CACNA1E: variants seen among roughly 807,000 people sequenced by gnomAD.
The protein encoded by CACNA1E is voltage-dependent R-type calcium channel subunit alpha-1E.
In CACNA1E, 40 loss-of-function variants were observed where a neutral mutation model predicts 259.2. The observed-to-expected ratio is 0.15, with a 90% CI of 0.12 to 0.20. CACNA1E has a LOEUF of 0.20. Among genes scored for constraint, CACNA1E ranks in the 10% least tolerant of loss-of-function variants. The pLI, the probability that CACNA1E is intolerant of heterozygous loss-of-function variation, is 1.00. For synonymous variants in CACNA1E, 1,104 were observed against 1,138.5 expected, an observed-to-expected ratio of 0.97 and a Z score of 0.61; for missense variants, 1,874 against 3,040.1, an observed-to-expected ratio of 0.62 and a Z score of 9.02.
chr1:181,736,293 G>A lies in CACNA1E; in HGVS notation c.3281G>A (p.Gly1094Glu). Residue 1094 changes from glycine to glutamate, a missense_variant, in exon 22 of 48, where the codon GGG becomes GAG. By Grantham distance (98) the Gly-to-Glu change is moderately conservative. Around this residue, in one of 14 missense-constraint regions of CACNA1E, gnomAD observed 476 missense variants for 514.0 expected, o/e 0.93. Transcript: ENST00000367573. ...TVVHISNKTD[G>E]EASPLKEAEI... ...CTTGCAGTTAGCAACAAGACGGATG[G>A]GGAAGCCAGTCCCTTGAAGGAGGCA... 1 of 1,594,886 alleles carries A rather than the reference G, an allele frequency of 6.3e-7. No homozygotes were observed. Among genetic ancestry groups the A allele is most frequent in the Non-Finnish European group, 8.5e-7 (1 of 1,170,340 alleles).
intron 27 of CACNA1E, among the ~76,000 whole-genome samples, chr1:181,752,693 C>T (rs1049003248): frequency 6.6e-6 from 1 of 152,232 alleles, no homozygotes; most frequent in African/African-American, 2.4e-5. Context: ...CCCTACCCTT[C>T]ATAATTTTGA....
At chr1:181,412,802 TATC>T (rs1449450466) in intron 1 of CACNA1E, among the ~76,000 whole-genome samples, 1 of 152,210 alleles carries the variant, frequency 6.6e-6, no homozygotes, top group Non-Finnish European at 1.5e-5. Context: ...CAACGCGGCA[TATC>T]ATTATTTCTT....
Position 181,612,965 on chromosome 1 carries a change from A to G in CACNA1E, c.951+32189A>G, listed in dbSNP as rs1242134600. On this transcript the variant is annotated intron_variant, in intron 6 of 47. Transcript: ENST00000367573. ...AGTTAAGATTTATTTTTTTATGTGG[A>G]CATCCAATTGACCTAGCACTATTTA... Among the ~76,000 whole-genome samples the G allele has an allele frequency of 2.8e-5, 4 of 144,006 alleles. No homozygotes were observed. In the East Asian group the frequency reaches 7.3e-4, roughly 26 times the overall value. The allele number at this position is 144,006 out of a possible 152,430, so 94.5% of individuals were successfully genotyped here.
At chr1:181,385,573 A>G (rs1655784634) in intron 1 of CACNA1E, among the ~76,000 whole-genome samples, 1 of 152,184 alleles carries the variant, frequency 6.6e-6, no homozygotes, top group South Asian at 2.1e-4. Context: ...TAAATAGCCA[A>G]AGCTAGACGG....
At chr1:181,569,486 T>C (rs1650188176) in intron 3 of CACNA1E, among the ~76,000 whole-genome samples, 1 of 152,242 alleles carries the variant, frequency 6.6e-6, no homozygotes, top group Non-Finnish European at 1.5e-5. Flanking sequence ...ACACAGGGAC[T>C]TTTTAAAAAA....
At chr1:181,473,050 A>C (rs1346947635) in intron 2 of CACNA1E, among the ~76,000 whole-genome samples, 2 of 152,204 alleles carry the variant, frequency 1.3e-5, no homozygotes, top group African/African-American at 4.8e-5. Flanking sequence ...TAAAGCCAGA[A>C]CTAATGATCA....
intron 3 of CACNA1E, among the ~76,000 whole-genome samples, chr1:181,560,817 A>G (rs1349322665): frequency 1.3e-5 from 2 of 152,368 alleles, no homozygotes; most frequent in South Asian, 4.1e-4. Context: ...ACAATAACCA[A>G]AAGGTTTCAG....
chr1:181,745,020 A>G (rs1051443595), intron 25 of CACNA1E, among the ~76,000 whole-genome samples: 11 of 152,198 alleles, frequency 7.2e-5, no homozygotes, highest in African/African-American at 2.7e-4. Context: ...AGACAAGGAC[A>G]CTAAGGATGA....
At chr1:181,785,951 A>G in intron 43 of CACNA1E, 132 bp downstream of exon 43, 1 of 652,842 alleles carries the variant, frequency 1.5e-6, no homozygotes, top group South Asian at 2.1e-5. Flanking sequence ...CCTTTTTCTG[A>G]AGTTGAATAT....
intron 1 of CACNA1E, among the ~76,000 whole-genome samples, chr1:181,392,447 T>A (rs1649644989): frequency 6.6e-6 from 1 of 152,198 alleles, no homozygotes; most frequent in Admixed American, 6.5e-5. Context: ...GGTAAGATCA[T>A]AGTTTTGCCA....
chr1:181,405,294 A>G (rs1167266284), intron 1 of CACNA1E, among the ~76,000 whole-genome samples: 1 of 152,220 alleles, frequency 6.6e-6, no homozygotes, highest in Non-Finnish European at 1.5e-5. Flanking sequence ...GATAGAAAAG[A>G]GGCTATTGGA....
intron 27 of CACNA1E, among the ~76,000 whole-genome samples, chr1:181,753,558 G>A (rs1450021363): frequency 6.6e-6 from 1 of 152,170 alleles, no homozygotes; most frequent in Non-Finnish European, 1.5e-5. Context: ...ATGAACTGAC[G>A]TGAGTGGTCC....
chr1:181,328,620 C>A (rs1650982680), intron 1 of CACNA1E, among the ~76,000 whole-genome samples: 1 of 152,084 alleles, frequency 6.6e-6, no homozygotes, highest in African/African-American at 2.4e-5. Flanking sequence ...GAGAAGTAGC[C>A]ACCAAGATGG....
At chr1:181,510,360 A>G in intron 1 of CACNA1E, 117 bp from the exon 2 acceptor site, 2 of 706,442 alleles carry the variant, frequency 2.8e-6, no homozygotes, top group Non-Finnish European at 5.1e-6. Context: ...ACAAATAAAA[A>G]TCATGCAAAC....
intron 3 of CACNA1E, among the ~76,000 whole-genome samples, chr1:181,541,351 CT>C (rs1572149470): frequency 6.6e-6 from 1 of 151,234 alleles, no homozygotes; most frequent in East Asian, 1.9e-4. Context: ...TAAAGATACA[CT>C]TAAAAAAAGA....
intron 3 of CACNA1E, among the ~76,000 whole-genome samples, chr1:181,544,008 G>C (rs1668791732): frequency 6.6e-6 from 1 of 152,124 alleles, no homozygotes. Context: ...CATACAAAAA[G>C]TTGTGCATTA....
In CACNA1E at chr1:181,736,355, A is replaced by C. The variant is rs373021789; in HGVS notation, c.3343A>C (p.Lys1115Gln). 5.6e-6 allele frequency: 9 copies of C among 1,610,442 alleles called. No individual in the cohort carries two copies. Among genetic ancestry groups the C allele is most frequent in the African/African-American group, 4.0e-5 (3 of 74,876 alleles). Residue 1115 changes from lysine (K) to glutamine (Q), a missense_variant, in exon 22 of 48, where the codon AAG becomes CAG. Lys to Gln is a moderately conservative substitution (Grantham distance 53, BLOSUM62 1). Around this residue, in one of 14 missense-constraint regions of CACNA1E, gnomAD observed 476 missense variants for 514.0 expected, o/e 0.93. Transcript: ENST00000367573. ...GGATGAGGAGGAGGTGGAGAAGAAGAAGCAGAAGAAGGAGAAGCGTGAGAC... is the reference window on the plus strand; with the variant it reads ...GGATGAGGAGGAGGTGGAGAAGAAGCAGCAGAAGAAGGAGAAGCGTGAGAC... ...REDEEEVEKKKQKKEKRETGK... is the reference protein window; with the variant it reads ...REDEEEVEKKQQKKEKRETGK...
At chr1:181,725,884 G>A (rs1572710440) in intron 17 of CACNA1E, among the ~76,000 whole-genome samples, 181 bp from the exon 18 acceptor site, 1 of 152,376 alleles carries the variant, frequency 6.6e-6, no homozygotes, top group Middle Eastern at 3.4e-3. Context: ...CTCCCAAGGG[G>A]CCTGGCCTCT....
At position 181,796,755 on chromosome 1, in the gene CACNA1E, G is replaced by A. The variant is rs1558404790; in HGVS notation, c.6296G>A (p.Arg2099His). The A allele has an allele frequency of 3.1e-6, 5 of 1,613,024 alleles. No individual in the cohort carries two copies. The highest frequency in any genetic ancestry group is 4.2e-6 in the Non-Finnish European group (5 of 1,179,490). ...RKHLLSPDVS[R>H]CNSEERGTQA... ...CATCTTCTCTCTCCTGATGTCTCCC[G>A]CTGCAATTCAGAAGAGCGAGGGACC... Residue 2099 changes from arginine (R) to histidine (H), a missense_variant, in exon 47 of 48, where the codon CGC becomes CAC. Arg to His is a conservative substitution (Grantham distance 29). Coordinates refer to ENST00000367573, the MANE Select transcript of CACNA1E (RefSeq NM_001205293.3).
Sources: gnomAD v4.1 joint callset for allele counts (sites outside exome capture counted in the v4.1 genomes callset) on GRCh38, gnomAD v4.1.1 for gene constraint, gnomAD v4.1.1 regional missense constraint, MANE v1.5 for transcripts, NCBI Gene and HGNC (gene_info 2026-07-23, HGNC 2026-07-21) for gene names.